NALF1: variants seen among roughly 807,000 people sequenced by gnomAD.
NALF1 encodes NALCN channel auxiliary factor 1.
NALF1 carries 3 observed loss-of-function variants against 48.4 expected under a neutral mutation model. That is an observed-to-expected ratio of 0.06 (90% CI 0.03 to 0.16). The LOEUF (loss-of-function observed/expected upper bound fraction) is 0.16, where lower values mean the gene tolerates loss of function less well. Ranked by LOEUF, NALF1 falls within the 10% of genes least tolerant of loss-of-function variation. The pLI, the probability that NALF1 is intolerant of heterozygous loss-of-function variation, is 1.00. For missense variants in NALF1, 526 were observed against 571.5 expected, an observed-to-expected ratio of 0.92 and a Z score of 0.81; for synonymous variants, 262 against 245.7, an observed-to-expected ratio of 1.07 and a Z score of -0.62.
At chr13:107,474,608 G>C (rs1346608643) in intron 1 of NALF1, among the ~76,000 whole-genome samples, 1 of 152,146 alleles carries the variant, frequency 6.6e-6, no homozygotes, top group Non-Finnish European at 1.5e-5. Flanking sequence ...AGAAAATGTA[G>C]CAGAATGTTA....
chr13:107,432,866 TA>T (rs1295688382), intron 1 of NALF1, among the ~76,000 whole-genome samples: 1 of 152,158 alleles, frequency 6.6e-6, no homozygotes, highest in Non-Finnish European at 1.5e-5. Flanking sequence ...ATAGTTAAGG[TA>T]AAAAATAAAC....
intron 1 of NALF1, among the ~76,000 whole-genome samples, chr13:107,554,333 GA>G (rs1877389823): frequency 2.6e-5 from 4 of 152,292 alleles, no homozygotes; most frequent in Admixed American, 2.6e-4. Flanking sequence ...AGTCCGGGGG[GA>G]AAAAGCTAGA....
At chr13:107,307,647 A>AC (rs1374110817) in intron 1 of NALF1, among the ~76,000 whole-genome samples, 2 of 151,076 alleles carry the variant, frequency 1.3e-5, no homozygotes, top group Non-Finnish European at 3.0e-5. Context: ...AAAAAAAAAA[A>AC]AAAAAAAAAC....
intron 1 of NALF1, among the ~76,000 whole-genome samples, chr13:107,858,258 GTAA>G (rs1880486513): frequency 6.6e-6 from 1 of 152,104 alleles, no homozygotes; most frequent in East Asian, 1.9e-4. Flanking sequence ...GGCAAAATTC[GTAA>G]TAATTGTAAA....
At chr13:107,529,703 T>C (rs1387567887) in intron 1 of NALF1, among the ~76,000 whole-genome samples, 3 of 152,108 alleles carry the variant, frequency 2.0e-5, no homozygotes, top group Admixed American at 2.0e-4. Context: ...GAAGATGTGA[T>C]GAATTAATTA....
intron 1 of NALF1, among the ~76,000 whole-genome samples, chr13:107,816,409 C>T (rs76916062): frequency 0.033 from 5,043 of 152,172 alleles, 283 homozygotes; most frequent in African/African-American, 0.12. Flanking sequence ...GCACTTCTTA[C>T]ATGGAGTATG....
At chr13:107,654,160 A>G (rs1416893033) in intron 1 of NALF1, among the ~76,000 whole-genome samples, 1 of 152,144 alleles carries the variant, frequency 6.6e-6, no homozygotes, top group Non-Finnish European at 1.5e-5. Context: ...AGAAAAAAAG[A>G]GAGAAGATCC....
At chr13:107,592,693 T>G (rs956962647) in intron 1 of NALF1, among the ~76,000 whole-genome samples, 1 of 151,928 alleles carries the variant, frequency 6.6e-6, no homozygotes, top group African/African-American at 2.4e-5. Context: ...TACTCATTTT[T>G]TGGTTGTTAT....
chr13:107,391,585 C>G (rs1883628024), intron 1 of NALF1, among the ~76,000 whole-genome samples: 1 of 151,706 alleles, frequency 6.6e-6, no homozygotes, highest in Admixed American at 6.6e-5. Flanking sequence ...CACTTACAAC[C>G]CTCTCTCTCT....
chr13:107,761,409 T>C (rs1031094101), intron 1 of NALF1, among the ~76,000 whole-genome samples: 28 of 151,260 alleles, frequency 1.9e-4, no homozygotes, highest in African/African-American at 6.8e-4. Flanking sequence ...AACAGCAGGA[T>C]TGGGAAAAAT....
intron 1 of NALF1, among the ~76,000 whole-genome samples, chr13:107,586,847 A>C (rs1878474438): frequency 6.6e-6 from 1 of 151,992 alleles, no homozygotes; most frequent in South Asian, 2.1e-4. Context: ...AAGACAAAAA[A>C]TGAAGATGTC....
Position 107,538,014 on chromosome 13 carries a change from C to G in NALF1, c.916-327259G>C, listed in dbSNP as rs114714882. On this transcript the variant is annotated intron_variant, in intron 1 of 2. Coordinates refer to ENST00000375915, the MANE Select transcript of NALF1 (RefSeq NM_001080396.3). ...CCTGGGCAGTAAAGTGACACCCCAT[C>G]TCAAACAACAACAACAACCACCATC... Among the ~76,000 whole-genome samples, 39 of 152,174 alleles carry G rather than the reference C, an allele frequency of 2.6e-4. 1 individual carries two copies. Among genetic ancestry groups the G allele is most frequent in the African/African-American group, 9.4e-4 (39 of 41,550 alleles).
rs200374548 is a variant in NALF1, at chr13:107,443,165, TAACA to T, written c.916-232414_916-232411del. The stretch of plus-strand genomic sequence containing the variant: ...AACATAAATTTATTATTTATTTATC[TAACA>T]ATCTATCTATCTATCTATCTATCTA... On this transcript the variant is annotated intron_variant, in intron 1 of 2. Coordinates refer to ENST00000375915, the MANE Select transcript of NALF1 (RefSeq NM_001080396.3). Among the ~76,000 whole-genome samples the T allele has an allele frequency of 8.6e-3, 1,086 of 125,816 alleles. 10 individuals are homozygous for T. Among genetic ancestry groups the T allele is most frequent in the Middle Eastern group, 0.016 (4 of 244 alleles). 82.5% of individuals were successfully genotyped at this position (125,816 alleles called of 152,430 possible). A position where few individuals can be genotyped will look rare whatever the true frequency, so the allele number is the denominator to read the frequency against.
chr13:107,728,715 T>TAAAC (rs1323169042), intron 1 of NALF1, among the ~76,000 whole-genome samples: 1 of 150,994 alleles, frequency 6.6e-6, no homozygotes, highest in Admixed American at 6.6e-5. Context: ...AATAAATAAA[T>TAAAC]AAATAAAAAA....
At chr13:107,619,987 C>T (rs1879479478) in intron 1 of NALF1, among the ~76,000 whole-genome samples, 3 of 152,130 alleles carry the variant, frequency 2.0e-5, no homozygotes, top group Admixed American at 2.0e-4. Flanking sequence ...AAACAGGTGT[C>T]CTCTTTTTTG....
chr13:107,350,333 A>G lies in NALF1; in HGVS notation c.916-139578T>C, dbSNP rs576707497. Reference sequence around the variant, plus strand: ...CCTGTAAAAAAAATTAAAAAGCTTTATAGATGAAAACTGCTGAGCCTCATG... The same window carrying G: ...CCTGTAAAAAAAATTAAAAAGCTTTGTAGATGAAAACTGCTGAGCCTCATG... On this transcript the variant is annotated intron_variant, in intron 1 of 2. Transcript: ENST00000375915. Among the ~76,000 whole-genome samples the G allele has an allele frequency of 4.2e-4, 64 of 152,356 alleles. 1 individual carries two copies. The East Asian group carries it at 6.4e-3, about 15-fold the overall frequency.
intron 1 of NALF1, among the ~76,000 whole-genome samples, chr13:107,470,375 A>G (rs1885080662): frequency 6.6e-6 from 1 of 152,182 alleles, no homozygotes; most frequent in Non-Finnish European, 1.5e-5. Flanking sequence ...AGTCTCATCT[A>G]TGCATGCAGA....
chr13:107,674,017 C>T (rs1464975721), intron 1 of NALF1, among the ~76,000 whole-genome samples: 2 of 152,120 alleles, frequency 1.3e-5, no homozygotes, highest in African/African-American at 2.4e-5. Flanking sequence ...TTACAGTTCT[C>T]TTTATTACTG....
At chr13:107,435,328 G>A (rs375394239) in intron 1 of NALF1, among the ~76,000 whole-genome samples, 1 of 148,658 alleles carries the variant, frequency 6.7e-6, no homozygotes. Context: ...AGGTTGATTA[G>A]AAAAAAAAAA....
Sources: allele counts gnomAD v4.1 joint callset (sites outside exome capture counted in the v4.1 genomes callset), GRCh38; gene constraint gnomAD v4.1.1; transcripts MANE v1.5; gene names NCBI Gene and HGNC (gene_info 2026-07-23, HGNC 2026-07-21).